The following COG7 variants were observed in gnomAD, a reference collection of about 807,000 sequenced individuals.
The protein encoded by COG7 is conserved oligomeric Golgi complex subunit 7.
In COG7, 49 loss-of-function variants were observed where a neutral mutation model predicts 91.5. The observed-to-expected ratio is 0.54, with a 90% CI of 0.43 to 0.68. The LOEUF is 0.68. Ranked by LOEUF, COG7 falls within the 30% of genes least tolerant of loss-of-function variation. The pLI, the probability that COG7 is intolerant of heterozygous loss-of-function variation, is 0.00. For missense variants in COG7, 895 were observed against 961.3 expected, an observed-to-expected ratio of 0.93 and a Z score of 0.91; for synonymous variants, 365 against 388.7, an observed-to-expected ratio of 0.94 and a Z score of 0.72.
intron 4 of COG7, among the ~76,000 whole-genome samples, chr16:23,438,591 G>C (rs147201258): frequency 4.4e-4 from 67 of 151,900 alleles, no homozygotes; most frequent in African/African-American, 1.6e-3. Context: ...AATGGGGAAA[G>C]GATTTGAATA....
At chr16:23,429,055 T>C (rs1567341968) in intron 6 of COG7, among the ~76,000 whole-genome samples, 1 of 151,928 alleles carries the variant, frequency 6.6e-6, no homozygotes, top group East Asian at 1.9e-4. Flanking sequence ...AGTAGAGCAA[T>C]CATGGCTCAT....
chr16:23,391,263 A>G (rs1335249474), intron 16 of COG7, among the ~76,000 whole-genome samples: 1 of 152,218 alleles, frequency 6.6e-6, no homozygotes, highest in Non-Finnish European at 1.5e-5. Flanking sequence ...AACAAGGACA[A>G]CTGAAACTGA....
chr16:23,418,747 C>T lies in COG7; in HGVS notation c.1090G>A (p.Asp364Asn), dbSNP rs764545607. The change falls in exon 8 of 17, where the codon GAC (aspartate) becomes AAC (asparagine). Residue 364 changes from aspartate to asparagine, a missense_variant. By Grantham distance (23) the Asp-to-Asn change is conservative. Transcript: ENST00000307149. ...PYKPYQLKYG[D>N]MEESNLLIQM... is the part of the protein sequence containing the mutation. ...ATGAGGAGGTTGCTCTCTTCCATGT[C>T]GCCATACTTCAGCTGGTAGGGTTTG... 11 of 1,613,824 alleles carry T rather than the reference C, an allele frequency of 6.8e-6. No homozygotes were observed. The Admixed American group carries it at 8.3e-5, about 12-fold the overall frequency.
intron 1 of COG7, among the ~76,000 whole-genome samples, chr16:23,451,962 T>C (rs370802740): frequency 1.4e-4 from 21 of 152,246 alleles, no homozygotes; most frequent in African/African-American, 4.8e-4. Flanking sequence ...CTTTAACTCT[T>C]TGAATAAACA....
At chr16:23,451,984 C>G (rs394908) in intron 1 of COG7, among the ~76,000 whole-genome samples, 26,685 of 151,974 alleles carry the variant, frequency 0.18, 2,431 homozygotes, top group East Asian at 0.29. Flanking sequence ...CTCACAGACT[C>G]GTGCTCCTAG....
chr16:23,421,313 G>A (rs1376512634), intron 7 of COG7, among the ~76,000 whole-genome samples: 5 of 151,492 alleles, frequency 3.3e-5, no homozygotes, highest in African/African-American at 1.2e-4. Flanking sequence ...ACTATATAAG[G>A]ATCTTTCAGG....
chr16:23,453,052 G>A lies in COG7; in HGVS notation c.-58C>T, dbSNP rs1964293402. The A allele has an allele frequency of 1.2e-6, 2 of 1,609,404 alleles. No homozygotes were observed. Among genetic ancestry groups the A allele is most frequent in the Middle Eastern group, 1.7e-4 (1 of 5,930 alleles). ...TTAAGAGTTGGCTCCGGGCGGCAAC[G>A]GGGATGCAGAAGCGAGCGAGCCTGC... On this transcript the variant is annotated 5_prime_UTR_variant, in exon 1 of 17. Coordinates refer to ENST00000307149, the MANE Select transcript of COG7 (RefSeq NM_153603.4).
rs1567343493 is a variant in COG7, at chr16:23,433,580, C to T, written c.775G>A (p.Gly259Ser). 1 of 1,614,006 alleles carries T rather than the reference C, an allele frequency of 6.2e-7. No individual in the cohort carries two copies. Among genetic ancestry groups the T allele is most frequent in the African/African-American group, 1.3e-5 (1 of 74,994 alleles). ...CACTGGATTTGTGTGTGCCAAGCAC[C>T]AAGCAAGGCATCATAGAGTCCGGTA... is the stretch of plus-strand genomic sequence containing the variant. ...QLTGLYDALL[G>S]AWHTQIQWAT... Residue 259 changes from glycine to serine, a missense_variant, in exon 6 of 17, where the codon GGT (glycine) becomes AGT (serine). By Grantham distance (56) the Gly-to-Ser change is moderately conservative (BLOSUM62 0). Transcript: ENST00000307149.
intron 6 of COG7, among the ~76,000 whole-genome samples, chr16:23,427,613 T>C (rs1188466567): frequency 1.3e-5 from 2 of 152,244 alleles, no homozygotes; most frequent in Non-Finnish European, 2.9e-5. Flanking sequence ...TTGGAATTCA[T>C]TGTTTTGCCA....
chr16:23,415,961 C>T (rs1002181035), intron 9 of COG7: 2 of 152,078 alleles, frequency 1.3e-5, no homozygotes, highest in East Asian at 3.8e-4. Context: ...GAGAAGATGG[C>T]CTGGGTTTTC....
rs1288559124 is a variant in COG7, at chr16:23,439,158, C to CAA, written c.604+3317_604+3318dup. ...GGACAACAGAGTTAAACTGTGTCTCCAAAAAAAAAAAAAAAAAAAAAGATA... is the reference window on the plus strand; with the variant it reads ...GGACAACAGAGTTAAACTGTGTCTCCAAAAAAAAAAAAAAAAAAAAAAAGATA... On this transcript the variant is annotated intron_variant, in intron 4 of 16. Transcript: ENST00000307149. Among the ~76,000 whole-genome samples the CAA allele has an allele frequency of 8.8e-3, 474 of 53,724 alleles. 22 individuals carry two copies. Among genetic ancestry groups the CAA allele is most frequent in the African/African-American group, 0.029 (393 of 13,600 alleles). 35.2% of individuals were successfully genotyped at this position (53,724 alleles called of 152,430 possible). A position where few individuals can be genotyped will look rare whatever the true frequency, so the allele number is the denominator to read the frequency against.
chr16:23,406,188 A>G lies in COG7; in HGVS notation c.1550T>C (p.Ile517Thr), dbSNP rs1481911805. 3 of 1,613,996 alleles carry G rather than the reference A, an allele frequency of 1.9e-6. No homozygotes were observed. The highest frequency in any genetic ancestry group is 2.2e-5 in the South Asian group (2 of 91,082). Residue 517 changes from isoleucine to threonine, a missense_variant, in exon 12 of 17, where the codon ATC (isoleucine) becomes ACC (threonine). Transcript: ENST00000307149. ...PRSLAGFQES[I>T]LTDKKNSAKN... ...GGCAGAGTTCTTCTTGTCTGTCAAG[A>G]TGCTCTCCTGAAAACCAGCCAGGCT...
intron 13 of COG7, 98 bp downstream of exon 13, chr16:23,403,596 C>T (rs1963412015): frequency 6.7e-7 from 1 of 1,501,352 alleles, no homozygotes; most frequent in Non-Finnish European, 9.2e-7. Context: ...CGGGATCTTC[C>T]CAAAGCTCTT....
At chr16:23,408,539 T>A (rs1963507688) in intron 11 of COG7, among the ~76,000 whole-genome samples, 1 of 151,670 alleles carries the variant, frequency 6.6e-6, no homozygotes, top group South Asian at 2.1e-4. Flanking sequence ...ATTCTTTGTT[T>A]CCCGTCATTT....
Position 23,442,552 on chromosome 16 carries a change from A to G in COG7, c.529T>C (p.Leu177=). The G allele has an allele frequency of 6.2e-7, 1 of 1,614,120 alleles. No individual in the cohort carries two copies. Among genetic ancestry groups the G allele is most frequent in the African/African-American group, 1.3e-5 (1 of 75,032 alleles). ...TCCAGCCTGTTCTTCAGTGCCTCCA[A>G]GTGCACACACTTTTCTGAGTAGTCT... The part of the protein sequence containing the change: ...TPDYSEKCVH[L]EALKNRLEAL... The change falls in exon 4 of 17, where the codon TTG becomes CTG. Residue 177 remains leucine, a synonymous_variant. Transcript: ENST00000307149.
At chr16:23,420,947 T>C (rs1596934473) in intron 7 of COG7, among the ~76,000 whole-genome samples, 1 of 125,404 alleles carries the variant, frequency 8.0e-6, no homozygotes, top group African/African-American at 3.1e-5. Context: ...AGAGATGGGG[T>C]ATATGTTTCC....
intron 4 of COG7, among the ~76,000 whole-genome samples, chr16:23,438,661 T>C (rs1050173103): frequency 3.3e-5 from 5 of 152,082 alleles, no homozygotes; most frequent in Non-Finnish European, 7.4e-5. Flanking sequence ...CTCAATATCA[T>C]TAATCATTAG....
At chr16:23,392,254 CA>C (rs1426735603) in intron 16 of COG7, 125 bp downstream of exon 16, 1 of 1,536,652 alleles carries the variant, frequency 6.5e-7, no homozygotes. Context: ...CAACCAGCTT[CA>C]GAGCCAAATC....
At chr16:23,428,200 T>A (rs1373047685) in intron 6 of COG7, among the ~76,000 whole-genome samples, 1 of 149,816 alleles carries the variant, frequency 6.7e-6, no homozygotes, top group Non-Finnish European at 1.5e-5. Context: ...AAAAAAAAAA[T>A]TAGCTGGGCA....
Sources: allele counts gnomAD v4.1 joint callset (sites outside exome capture counted in the v4.1 genomes callset), GRCh38; gene constraint gnomAD v4.1.1; transcripts MANE v1.5; gene names NCBI Gene and HGNC (gene_info 2026-07-23, HGNC 2026-07-21).